The following CACNG2 variants were observed in gnomAD, a reference collection of about 807,000 sequenced individuals.
CACNG2 encodes the protein voltage-dependent calcium channel gamma-2 subunit.
Under a neutral mutation model 25.9 loss-of-function variants are expected in CACNG2, and 3 were observed. That is an observed-to-expected ratio of 0.12 (90% CI 0.05 to 0.30). CACNG2 has a LOEUF of 0.30. Among genes scored for constraint, CACNG2 ranks in the 10% least tolerant of loss-of-function variants. The pLI is 1.00. For missense variants in CACNG2, 341 were observed against 432.5 expected, an observed-to-expected ratio of 0.79 and a Z score of 1.88; for synonymous variants, 167 against 173.3, an observed-to-expected ratio of 0.96 and a Z score of 0.29.
At position 36,599,691 on chromosome 22, in the gene CACNG2, C is replaced by A. The variant is rs150196112; in HGVS notation, c.212-12143G>T. On this transcript the variant is annotated intron_variant, in intron 1 of 3. Coordinates refer to ENST00000300105, the MANE Select transcript of CACNG2 (RefSeq NM_006078.5). ...CTCCAGTTTGTGTGACAGAGGAAGA[C>A]CCTGTCTCAAAGAAAAAAAAAAGAA... Among the ~76,000 whole-genome samples the A allele has an allele frequency of 1.4e-4, 21 of 152,098 alleles. 1 individual carries two copies. Among genetic ancestry groups the A allele is most frequent in the African/African-American group, 5.1e-4 (21 of 41,476 alleles).
At chr22:36,669,399 T>C (rs6000380) in intron 1 of CACNG2, among the ~76,000 whole-genome samples, 13,599 of 150,802 alleles carry the variant, frequency 0.09, 1,176 homozygotes, top group African/African-American at 0.22. Flanking sequence ...TCCCAGCTAC[T>C]TGGGAGGCTG....
At chr22:36,576,453 C>G (rs1935313962) in intron 2 of CACNG2, among the ~76,000 whole-genome samples, 1 of 151,692 alleles carries the variant, frequency 6.6e-6, no homozygotes, top group African/African-American at 2.4e-5. Context: ...ATGGGTGCAC[C>G]ACAATCTCAC....
At chr22:36,660,956 G>A (rs1284311811) in intron 1 of CACNG2, among the ~76,000 whole-genome samples, 3 of 152,242 alleles carry the variant, frequency 2.0e-5, no homozygotes, top group Non-Finnish European at 2.9e-5. Context: ...AGATACAGTG[G>A]CAGTACCCAG....
chr22:36,668,642 C>A (rs945084496), intron 1 of CACNG2, among the ~76,000 whole-genome samples: 2 of 152,066 alleles, frequency 1.3e-5, no homozygotes, highest in Non-Finnish European at 2.9e-5. Flanking sequence ...GTGCACACCA[C>A]CCCTCCTGGC....
chr22:36,669,772 G>A (rs973029087), intron 1 of CACNG2, among the ~76,000 whole-genome samples: 2 of 152,122 alleles, frequency 1.3e-5, no homozygotes, highest in African/African-American at 2.4e-5. Context: ...GAGTGCAATG[G>A]TGAGATCTCA....
intron 1 of CACNG2, among the ~76,000 whole-genome samples, chr22:36,652,750 G>A (rs1361240242): frequency 6.6e-6 from 1 of 152,148 alleles, no homozygotes; most frequent in African/African-American, 2.4e-5. Flanking sequence ...GCACATAACA[G>A]GTGCTCAGTA....
chr22:36,640,315 T>C (rs1300855848), intron 1 of CACNG2, among the ~76,000 whole-genome samples: 1 of 152,182 alleles, frequency 6.6e-6, no homozygotes, highest in African/African-American at 2.4e-5. Context: ...TATTTCCTCT[T>C]GATGGAACCC....
At chr22:36,638,217 C>A (rs1232739969) in intron 1 of CACNG2, among the ~76,000 whole-genome samples, 1 of 152,168 alleles carries the variant, frequency 6.6e-6, no homozygotes, top group Non-Finnish European at 1.5e-5. Context: ...ATTGCACTGG[C>A]CAGTCTTTCT....
chr22:36,623,886 A>G (rs11705105), intron 1 of CACNG2, among the ~76,000 whole-genome samples: 259 of 152,298 alleles, frequency 1.7e-3, no homozygotes, highest in Non-Finnish European at 3.0e-3. Flanking sequence ...ACTGGGGTTC[A>G]GTCTCATTAA....
At chr22:36,679,193 C>CTTTCTTTCTTTCTTTCTTT (rs1569049850) in intron 1 of CACNG2, among the ~76,000 whole-genome samples, 85 of 49,226 alleles carry the variant, frequency 1.7e-3, no homozygotes, top group African/African-American at 6.5e-3. Flanking sequence ...TTCCTTCCTT[C>CTTTCTTTCTTTCTTTCTTT]CTTCCTTTCT....
intron 1 of CACNG2, among the ~76,000 whole-genome samples, chr22:36,629,398 G>T (rs1291259411): frequency 5.9e-5 from 9 of 152,242 alleles, no homozygotes; most frequent in Admixed American, 4.6e-4. Context: ...CTCAGAGCTT[G>T]GGGGAGGGAC....
In CACNG2 at chr22:36,606,787, T is replaced by C. The variant is rs1339959444; in HGVS notation, c.212-19239A>G. On this transcript the variant is annotated intron_variant, in intron 1 of 3. Coordinates refer to ENST00000300105, the MANE Select transcript of CACNG2 (RefSeq NM_006078.5). This position sits in a 1 kb window ranked among gnomAD's most constrained non-coding sequence, Gnocchi z 5.7. ...GTGTGTGTGTGTGTGTGTATGTGTT[T>C]GTATGTATGTGTGTGTGTATGTCTG... Among the ~76,000 whole-genome samples the C allele has an allele frequency of 6.6e-6, 1 of 151,188 alleles. No homozygotes were observed. Among genetic ancestry groups the C allele is most frequent in the Non-Finnish European group, 1.5e-5 (1 of 67,774 alleles).
At chr22:36,623,011 G>GATTTTT (rs1569032646) in intron 1 of CACNG2, among the ~76,000 whole-genome samples, 4 of 93,202 alleles carry the variant, frequency 4.3e-5, no homozygotes, top group Non-Finnish European at 6.0e-5. Context: ...TCAAAACATG[G>GATTTTT]GTTTTTTTTT....
chr22:36,674,841 C>T (rs1345981513), intron 1 of CACNG2, among the ~76,000 whole-genome samples: 1 of 152,126 alleles, frequency 6.6e-6, no homozygotes. Flanking sequence ...GCTAATTGGC[C>T]GTGTCCTTGA....
intron 1 of CACNG2, among the ~76,000 whole-genome samples, chr22:36,668,566 GC>G (rs1936906165): frequency 6.6e-6 from 1 of 151,628 alleles, no homozygotes; most frequent in Non-Finnish European, 1.5e-5. Flanking sequence ...ACCACTCATT[GC>G]AGCTTCAACC....
At chr22:36,626,683 C>T (rs911993325) in intron 1 of CACNG2, among the ~76,000 whole-genome samples, 1 of 152,154 alleles carries the variant, frequency 6.6e-6, no homozygotes, top group African/African-American at 2.4e-5. Flanking sequence ...GTTTCTGTCT[C>T]TTCAATGGTT....
intron 1 of CACNG2, among the ~76,000 whole-genome samples, chr22:36,689,859 G>A (rs1483132558): frequency 6.6e-6 from 1 of 152,236 alleles, no homozygotes; most frequent in African/African-American, 2.4e-5. Flanking sequence ...CCTCTGAAAG[G>A]AAGCTGCCAG....
In CACNG2 at chr22:36,566,590, G is replaced by A. The variant is rs1199007608; in HGVS notation, c.296-97C>T. On this transcript the variant is annotated intron_variant, in intron 2 of 3. Coordinates refer to ENST00000300105, the MANE Select transcript of CACNG2 (RefSeq NM_006078.5). ...GGAGAGCAGCCCCGAGGCGCTGGGGGTTTATGGACACAGCCTTAGAGGAGA... is the reference window on the plus strand; with the variant it reads ...GGAGAGCAGCCCCGAGGCGCTGGGGATTTATGGACACAGCCTTAGAGGAGA... 17 of 1,299,508 alleles carry A rather than the reference G, an allele frequency of 1.3e-5. No individual in the cohort carries two copies. The Admixed American group carries it at 2.4e-4, about 18-fold the overall frequency. The allele number at this position is 1,299,508 out of a possible 1,614,324, so 80.5% of individuals were successfully genotyped here.
intron 1 of CACNG2, among the ~76,000 whole-genome samples, chr22:36,666,894 G>C (rs16997141): frequency 0.24 from 36,536 of 151,514 alleles, 4,541 homozygotes; most frequent in Middle Eastern, 0.33. Flanking sequence ...CTGCCAGCAC[G>C]TTGCTCTTTC....
Sources: allele counts gnomAD v4.1 joint callset (sites outside exome capture counted in the v4.1 genomes callset), GRCh38; gene constraint gnomAD v4.1.1; non-coding constraint Gnocchi (gnomAD v3.1); transcripts MANE v1.5; gene names NCBI Gene and HGNC (gene_info 2026-07-23, HGNC 2026-07-21).